RAP1GAP2: variants seen among roughly 807,000 people sequenced by gnomAD.
RAP1GAP2 encodes the protein RAP1 GTPase activating protein 2.
A neutral mutation model predicts 95.0 loss-of-function variants in RAP1GAP2; 27 were observed. The observed-to-expected ratio is 0.28, with a 90% confidence interval of 0.21 to 0.39. The LOEUF (loss-of-function observed/expected upper bound fraction) is 0.39. Ranked by LOEUF, RAP1GAP2 falls within the 10% of genes least tolerant of loss-of-function variation. The probability of loss-of-function intolerance (pLI) is 1.00; values close to 1 mark genes in which losing one functional copy is unlikely to be tolerated. For missense variants in RAP1GAP2, 771 were observed against 970.0 expected (o/e 0.79, Z 2.72); for synonymous variants, 373 against 380.9 (o/e 0.98, Z 0.24).
intron 8 of RAP1GAP2, among the ~76,000 whole-genome samples, chr17:2,975,253 A>G (rs2045061857): frequency 6.8e-6 from 1 of 147,162 alleles, no homozygotes; most frequent in Non-Finnish European, 1.5e-5. Context: ...AAGAAAAAGA[A>G]AAAGTTTCAA....
At chr17:2,888,661 T>C (rs2073583196) in intron 2 of RAP1GAP2, among the ~76,000 whole-genome samples, 1 of 149,984 alleles carries the variant, frequency 6.7e-6, no homozygotes. Context: ...TCTTTTTTTT[T>C]TTTTTTTTGG....
chr17:2,826,378 G>T (rs1161065058), intron 2 of RAP1GAP2, among the ~76,000 whole-genome samples: 1 of 151,884 alleles, frequency 6.6e-6, no homozygotes, highest in Non-Finnish European at 1.5e-5. Context: ...TTTGAGAAGC[G>T]GTGAGCCAGG....
chr17:2,875,579 C>T (rs9892131), intron 2 of RAP1GAP2, among the ~76,000 whole-genome samples: 36 of 151,956 alleles, frequency 2.4e-4, no homozygotes, highest in African/African-American at 7.5e-4. Flanking sequence ...GCTCATGGAG[C>T]GGGTGAGAGG....
At chr17:2,972,598 C>CAAAAAA (rs35539479) in intron 8 of RAP1GAP2, among the ~76,000 whole-genome samples, 2 of 85,486 alleles carry the variant, frequency 2.3e-5, no homozygotes, top group African/African-American at 1.0e-4. Flanking sequence ...AAGTCCTTCT[C>CAAAAAA]AAAAAAAAAA....
intron 3 of RAP1GAP2, among the ~76,000 whole-genome samples, chr17:2,930,620 G>A (rs754933113): frequency 1.1e-4 from 16 of 152,200 alleles, no homozygotes; most frequent in Non-Finnish European, 1.6e-4. Context: ...TCAAACACAC[G>A]CACAGAGGCA....
chr17:2,891,423 G>C (rs1188190277), intron 2 of RAP1GAP2, among the ~76,000 whole-genome samples: 1 of 152,036 alleles, frequency 6.6e-6, no homozygotes, highest in African/African-American at 2.4e-5. Flanking sequence ...TTACAGGTGA[G>C]AGCCACTGTA....
intron 3 of RAP1GAP2, among the ~76,000 whole-genome samples, chr17:2,925,676 C>T (rs2042932786): frequency 1.3e-5 from 2 of 152,182 alleles, no homozygotes; most frequent in South Asian, 4.1e-4. Flanking sequence ...GATTCTGGGG[C>T]TTGGAAGGTA....
At chr17:2,984,370 C>G (rs960128150) in intron 10 of RAP1GAP2, among the ~76,000 whole-genome samples, 1 of 151,990 alleles carries the variant, frequency 6.6e-6, no homozygotes, top group Admixed American at 6.6e-5. Context: ...CAACAAAACC[C>G]GAAAAAACTT....
intron 3 of RAP1GAP2, among the ~76,000 whole-genome samples, chr17:2,931,412 G>A (rs1195897083): frequency 6.6e-6 from 1 of 152,126 alleles, no homozygotes; most frequent in East Asian, 1.9e-4. Context: ...CCACGTTGGT[G>A]TGAATGTATC....
At chr17:2,985,324 C>T (rs2045516682) in intron 11 of RAP1GAP2, among the ~76,000 whole-genome samples, 1 of 151,696 alleles carries the variant, frequency 6.6e-6, no homozygotes. Context: ...TCCTGGCTGC[C>T]TCGTCTTCTA....
rs545164583 is a variant in RAP1GAP2, at chr17:2,845,982, GA to G, written c.80+45433del. ...GTGAATTCCGAGGTGAGGAATTCGA[GA>G]CCAGCTGGACCAACATGGTGAAACC... On this transcript the variant is annotated intron_variant, in intron 2 of 24. Transcript: ENST00000254695. Among the ~76,000 whole-genome samples, 143 of 152,156 alleles carry G rather than the reference GA, an allele frequency of 9.4e-4. 1 individual carries two copies. The highest frequency in any genetic ancestry group is 3.4e-3 in the African/African-American group (140 of 41,502).
rs1016870928 is a variant in RAP1GAP2 at position 3,034,971 on chromosome 17, A to G, written c.*1610A>G. 13 of 142,404 alleles carry G rather than the reference A, an allele frequency of 9.1e-5. No homozygotes were observed. The East Asian group carries it at 2.5e-3, about 27-fold the overall frequency. 8.8% of individuals were successfully genotyped at this position (142,404 alleles called of 1,614,324 possible). A position where few individuals can be genotyped will look rare whatever the true frequency, so the allele number is the denominator to read the frequency against. On this transcript the variant is annotated 3_prime_UTR_variant, in exon 25 of 25. Coordinates refer to ENST00000254695, the MANE Select transcript of RAP1GAP2 (RefSeq NM_015085.5). This position sits in a 1 kb window ranked among gnomAD's most constrained non-coding sequence, Gnocchi z 5.1. ...CTGGACCTGTGCCCAAGATATAAAT[A>G]CTACACTTTTTTTTTTTTTTTTTAA...
chr17:2,759,253 C>A (rs549393125), intron 1 of RAP1GAP2, among the ~76,000 whole-genome samples: 1 of 152,214 alleles, frequency 6.6e-6, no homozygotes, highest in East Asian at 1.9e-4. Context: ...TCTGTGCATA[C>A]TTGTGCAAAG....
chr17:2,804,766 G>A (rs963515466), intron 2 of RAP1GAP2, among the ~76,000 whole-genome samples: 15 of 152,296 alleles, frequency 9.8e-5, no homozygotes, highest in African/African-American at 3.4e-4. Context: ...TTGGAATGCT[G>A]GAGGGGAGGT....
chr17:2,989,477 C>T (rs901105114), intron 11 of RAP1GAP2, among the ~76,000 whole-genome samples: 1 of 152,048 alleles, frequency 6.6e-6, no homozygotes, highest in Non-Finnish European at 1.5e-5. Context: ...GGACTACAGG[C>T]ACGTGCCACT....
chr17:2,900,541 A>G (rs1567757827), intron 2 of RAP1GAP2, among the ~76,000 whole-genome samples: 1 of 152,022 alleles, frequency 6.6e-6, no homozygotes, highest in Non-Finnish European at 1.5e-5. Flanking sequence ...TCCCAGGTTC[A>G]AGCGATTCTC....
intron 1 of RAP1GAP2, among the ~76,000 whole-genome samples, chr17:2,766,357 A>G (rs1319172107): frequency 2.6e-5 from 4 of 152,100 alleles, no homozygotes; most frequent in Non-Finnish European, 5.9e-5. Context: ...TGGAGCCCAC[A>G]TCCAGACGCA....
At chr17:2,979,294 T>G (rs2045254423) in intron 8 of RAP1GAP2, among the ~76,000 whole-genome samples, 1 of 152,158 alleles carries the variant, frequency 6.6e-6, no homozygotes, top group African/African-American at 2.4e-5. Flanking sequence ...AATACTAGGT[T>G]TTCTTTTCAT....
At chr17:3,006,559 G>C (rs7208896) in intron 16 of RAP1GAP2, among the ~76,000 whole-genome samples, 1 of 148,762 alleles carries the variant, frequency 6.7e-6, no homozygotes, top group Non-Finnish European at 1.5e-5. Flanking sequence ...TCAGCCTCCC[G>C]AGTAGCTGGG....
Sources: allele counts gnomAD v4.1 joint callset (sites outside exome capture counted in the v4.1 genomes callset), GRCh38; gene constraint gnomAD v4.1.1; non-coding constraint Gnocchi (gnomAD v3.1); transcripts MANE v1.5; gene names NCBI Gene and HGNC (gene_info 2026-07-23, HGNC 2026-07-21).